Variants in PTCD3 observed in about 807,000 individuals in gnomAD.
PTCD3 encodes pentatricopeptide repeat domain 3, also known as small ribosomal subunit protein mS39.
Under a neutral mutation model 101.9 loss-of-function variants are expected in PTCD3, and 89 were observed. That is an observed-to-expected ratio of 0.87 (90% CI 0.74 to 1.04). The LOEUF (loss-of-function observed/expected upper bound fraction) is 1.04. PTCD3 is among the 50% of genes least tolerant of loss of function. The pLI is 0.00. For missense variants in PTCD3, 870 were observed against 828.2 expected (o/e 1.05, Z -0.62); for synonymous variants, 296 against 278.5 (o/e 1.06, Z -0.63).
chr2:86,136,937 A>G (rs1475186245), intron 22 of PTCD3, 45 bp from the exon 23 acceptor site: 2 of 1,608,642 alleles, frequency 1.2e-6, no homozygotes, highest in Non-Finnish European at 1.7e-6. Flanking sequence ...TAAATGTTTT[A>G]CTGAAGGGGC....
At chr2:86,127,843 CAAT>C in intron 13 of PTCD3, 95 bp from the exon 14 acceptor site, 1 of 973,476 alleles carries the variant, frequency 1.0e-6, no homozygotes, top group Non-Finnish European at 1.6e-6. Flanking sequence ...TAAATATTAA[CAAT>C]ATGTTTTTAA....
intron 1 of PTCD3, 26 bp from the exon 2 acceptor site, chr2:86,108,324 G>T: frequency 6.2e-7 from 1 of 1,602,110 alleles, no homozygotes; most frequent in Non-Finnish European, 8.5e-7. Context: ...ATGACTATTA[G>T]ATTTAAGGCT....
At chr2:86,134,720 C>T (rs933952301) in intron 20 of PTCD3, 119 bp from the exon 21 acceptor site, 3 of 1,159,142 alleles carry the variant, frequency 2.6e-6, no homozygotes, top group African/African-American at 3.1e-5. Flanking sequence ...GTGCTATACA[C>T]ATAATATATT....
intron 22 of PTCD3, 67 bp from the exon 23 acceptor site, chr2:86,136,915 G>A: frequency 2.5e-6 from 4 of 1,571,390 alleles, no homozygotes; most frequent in South Asian, 2.3e-5. Flanking sequence ...AACTTACACT[G>A]GATCTTGCCT....
At chr2:86,109,270 G>GT (rs1324686736) in intron 3 of PTCD3, among the ~76,000 whole-genome samples, 1 of 152,162 alleles carries the variant, frequency 6.6e-6, no homozygotes, top group Non-Finnish European at 1.5e-5. Flanking sequence ...GCCGGATGTG[G>GT]TGGGGGGTCG....
At chr2:86,136,094 C>T in intron 21 of PTCD3, 3 of 505,598 alleles carry the variant, frequency 5.9e-6, no homozygotes, top group South Asian at 1.4e-5. Flanking sequence ...GCCTCTTTTC[C>T]AGCTGTGCAC....
intron 3 of PTCD3, among the ~76,000 whole-genome samples, chr2:86,110,362 A>G (rs985921804): frequency 5.9e-5 from 9 of 152,236 alleles, no homozygotes; most frequent in African/African-American, 2.2e-4. Flanking sequence ...TTTTTCTCAG[A>G]TGACTTATAG....
At chr2:86,106,736 A>C (rs1310226595) in intron 1 of PTCD3, among the ~76,000 whole-genome samples, 1 of 152,118 alleles carries the variant, frequency 6.6e-6, no homozygotes, top group African/African-American at 2.4e-5. Flanking sequence ...TCCCAAATAA[A>C]AGGCAGTCTC....
chr2:86,106,756 C>T lies in PTCD3; in HGVS notation c.104+405C>T, dbSNP rs1267117531. On this transcript the variant is annotated intron_variant, in intron 1 of 23. Transcript: ENST00000254630. The stretch of plus-strand genomic sequence containing the variant: ...AATAAAAGGCAGTCTCTGGTCGCCA[C>T]CGTGGGGACTTTGGCTAAAGAAGTT... 2.0e-5 allele frequency among the ~76,000 whole-genome samples: 3 copies of T among 152,156 alleles called. No individual in the cohort carries two copies. In the East Asian group the frequency reaches 5.8e-4, roughly 29 times the overall value.
In PTCD3 at chr2:86,108,487, T is replaced by G; in HGVS notation, c.158-13T>G. On this transcript the variant is annotated splice_polypyrimidine_tract_variant and intron_variant, in intron 2 of 23. Coordinates refer to ENST00000254630, the MANE Select transcript of PTCD3 (RefSeq NM_017952.6). Reference sequence around the variant, plus strand: ...TACTAGGAAACTGATTCATGTTTTCTTTTTTACATTAGGGATTGAAGAAGT... The same window carrying G: ...TACTAGGAAACTGATTCATGTTTTCGTTTTTACATTAGGGATTGAAGAAGT... 6.3e-7 allele frequency: 1 copy of G among 1,591,814 alleles called. No homozygotes were observed. The highest frequency in any genetic ancestry group is 1.4e-5 in the African/African-American group (1 of 73,550).
Position 86,125,795 on chromosome 2 carries a change from C to A in PTCD3, c.866C>A (p.Ala289Asp). Residue 289 changes from alanine to aspartate, a missense_variant and splice_region_variant, in exon 12 of 24, where the codon GCT (alanine) becomes GAT (aspartate). By Grantham distance (126) the Ala-to-Asp change is moderately radical. Transcript: ENST00000254630. ...YTELLNNRLH[A>D]DVYTFNALIE... Reference sequence around the variant, plus strand: ...ATTTTATCATTTTATTATTTTACAGCTGATGTATACACATTTAATGCATTG... The same window carrying A: ...ATTTTATCATTTTATTATTTTACAGATGATGTATACACATTTAATGCATTG... The A allele has an allele frequency of 3.1e-6, 5 of 1,587,462 alleles. No individual in the cohort carries two copies. The highest frequency in any genetic ancestry group is 4.3e-6 in the Non-Finnish European group (5 of 1,162,378).
intron 8 of PTCD3, among the ~76,000 whole-genome samples, chr2:86,122,928 C>G (rs1345778565): frequency 6.6e-6 from 1 of 152,114 alleles, no homozygotes; most frequent in Non-Finnish European, 1.5e-5. Context: ...CAGCCTCATC[C>G]CAGACCTTGG....
rs1674649107 is a variant in PTCD3 at position 86,139,594 on chromosome 2, G to C, written c.*2035G>C. Reference sequence around the variant, plus strand: ...TGCCAATGTGGATTACCTGAGCCCAGGAGTTTGAGACCAGCCTGGGTAACA... The same window carrying C: ...TGCCAATGTGGATTACCTGAGCCCACGAGTTTGAGACCAGCCTGGGTAACA... On this transcript the variant is annotated 3_prime_UTR_variant, in exon 24 of 24. Coordinates refer to ENST00000254630, the MANE Select transcript of PTCD3 (RefSeq NM_017952.6). 1 of 152,304 alleles carries C rather than the reference G, an allele frequency of 6.6e-6. No homozygotes were observed. Among genetic ancestry groups the C allele is most frequent in the African/African-American group, 2.4e-5 (1 of 41,396 alleles). 9.4% of individuals were successfully genotyped at this position (152,304 alleles called of 1,614,324 possible).
chr2:86,106,268 T>A lies in PTCD3; in HGVS notation c.21T>A (p.Val7=). 3 of 1,614,124 alleles carry A rather than the reference T, an allele frequency of 1.9e-6. No individual in the cohort carries two copies. Among genetic ancestry groups the A allele is most frequent in the Non-Finnish European group, 2.5e-6 (3 of 1,180,004 alleles). MAVVSA[V]RWLGLRSRLG... ...CAAAGATGGCGGTTGTATCTGCTGT[T>A]CGCTGGCTGGGCCTCCGCAGCAGGC... The change falls in exon 1 of 24, where the codon GTT becomes GTA. Residue 7 remains valine (V), a synonymous_variant. Coordinates refer to ENST00000254630, the MANE Select transcript of PTCD3 (RefSeq NM_017952.6).
rs1674678038 is a variant in PTCD3, at chr2:86,141,128, C to A, written c.*3569C>A. ...TGTTCCCACAACAATGGCCCTTTCA[C>A]AAGCTCTTGCCTCACAACCCCTGCA... On this transcript the variant is annotated 3_prime_UTR_variant, in exon 24 of 24. Coordinates refer to ENST00000254630, the MANE Select transcript of PTCD3 (RefSeq NM_017952.6). 6.6e-6 allele frequency: 1 copy of A among 152,220 alleles called. No homozygotes were observed. The highest frequency in any genetic ancestry group is 2.4e-5 in the African/African-American group (1 of 41,454). The allele number at this position is 152,220 out of a possible 1,614,324, so 9.4% of individuals were successfully genotyped here.
chr2:86,116,697 A>G (rs545337576), intron 5 of PTCD3, 99 bp downstream of exon 5: 3 of 865,138 alleles, frequency 3.5e-6, no homozygotes, highest in Non-Finnish European at 5.7e-6. Context: ...AAGGTTTACA[A>G]ATGCTGAGAA....
At chr2:86,135,185 A>G (rs1674564969) in intron 21 of PTCD3, 198 bp downstream of exon 21, 3 of 487,954 alleles carry the variant, frequency 6.1e-6, no homozygotes, top group Admixed American at 3.5e-5. Flanking sequence ...TAGTTCTCTC[A>G]AACCATACGC....
At chr2:86,133,071 T>C in intron 17 of PTCD3, 107 bp from the exon 18 acceptor site, 1 of 1,459,276 alleles carries the variant, frequency 6.9e-7, no homozygotes, top group Non-Finnish European at 9.1e-7. Context: ...ACTGTAAGTA[T>C]TTTGAAATTC....
At chr2:86,125,244 T>G (rs554360644) in intron 10 of PTCD3, among the ~76,000 whole-genome samples, 162 bp downstream of exon 10, 2 of 152,304 alleles carry the variant, frequency 1.3e-5, no homozygotes, top group Admixed American at 1.3e-4. Context: ...ATGTGAGTAG[T>G]GTACTCCTCC....
Sources: allele counts gnomAD v4.1 joint callset (sites outside exome capture counted in the v4.1 genomes callset), GRCh38; gene constraint gnomAD v4.1.1; transcripts MANE v1.5; gene names NCBI Gene and HGNC (gene_info 2026-07-23, HGNC 2026-07-21).